Variants in CCDC152 observed in about 807,000 individuals in gnomAD.
CCDC152 encodes coiled-coil domain-containing protein 152.
CCDC152 carries 37 observed loss-of-function variants against 38.1 expected under a neutral mutation model. That is an observed-to-expected ratio of 0.97 (90% CI 0.75 to 1.28). CCDC152 has a LOEUF of 1.28. Among genes scored for constraint, CCDC152 ranks in the 50% most tolerant of loss-of-function variants. The pLI, the probability that CCDC152 is intolerant of heterozygous loss-of-function variation, is 0.00. For missense variants in CCDC152, 259 were observed against 292.1 expected, an observed-to-expected ratio of 0.89 and a Z score of 0.83; for synonymous variants, 83 against 87.1, an observed-to-expected ratio of 0.95 and a Z score of 0.26.
chr5:42,794,931 AT>A (rs1203478387), intron 6 of CCDC152, among the ~76,000 whole-genome samples: 20 of 152,206 alleles, frequency 1.3e-4, no homozygotes, highest in African/African-American at 4.6e-4. Context: ...ATGATTATCA[AT>A]CTAATAGAGG....
In CCDC152 at chr5:42,801,276, G is replaced by C. The variant is rs773156029; in HGVS notation, c.*1495G>C. The C allele has an allele frequency of 6.2e-7, 1 of 1,613,926 alleles. No individual in the cohort carries two copies. The highest frequency in any genetic ancestry group is 8.5e-7 in the Non-Finnish European group (1 of 1,179,976). Reference sequence around the variant, plus strand: ...GTAATGAGGCGATGGAGTTTCAACTGTTTTATCCACAGTAGCCAAAGATAC... The same window carrying C: ...GTAATGAGGCGATGGAGTTTCAACTCTTTTATCCACAGTAGCCAAAGATAC... On this transcript the variant is annotated 3_prime_UTR_variant, in exon 9 of 9. Transcript: ENST00000361970.
At chr5:42,788,335 A>C (rs1372550050) in intron 6 of CCDC152, among the ~76,000 whole-genome samples, 1 of 151,960 alleles carries the variant, frequency 6.6e-6, no homozygotes, top group Non-Finnish European at 1.5e-5. Flanking sequence ...AATGCCAAAA[A>C]AAAAACAAAA....
At chr5:42,799,049 A>T (rs756535698) in intron 7 of CCDC152, among the ~76,000 whole-genome samples, 4 of 152,208 alleles carry the variant, frequency 2.6e-5, no homozygotes, top group Non-Finnish European at 4.4e-5. Flanking sequence ...TCTGCACTAT[A>T]GAATCACGTG....
chr5:42,763,973 G>A (rs1759591482), intron 3 of CCDC152, among the ~76,000 whole-genome samples: 2 of 152,152 alleles, frequency 1.3e-5, no homozygotes, highest in African/African-American at 4.8e-5. Flanking sequence ...ACTTTTTGGA[G>A]CAGTTTTAGG....
chr5:42,781,645 T>C, intron 5 of CCDC152, among the ~76,000 whole-genome samples: 1 of 152,108 alleles, frequency 6.6e-6, no homozygotes, highest in East Asian at 1.9e-4. Flanking sequence ...ATCAAAAGCC[T>C]ATTCACTGGC....
intron 6 of CCDC152, among the ~76,000 whole-genome samples, chr5:42,796,373 A>G (rs939904114): frequency 6.6e-6 from 1 of 152,208 alleles, no homozygotes; most frequent in South Asian, 2.1e-4. Flanking sequence ...GGTGTCATTA[A>G]CAGGAATAAG....
At chr5:42,788,708 T>C (rs1759958221) in intron 6 of CCDC152, among the ~76,000 whole-genome samples, 1 of 152,236 alleles carries the variant, frequency 6.6e-6, no homozygotes, top group Non-Finnish European at 1.5e-5. Context: ...TGCAAGTCTA[T>C]GGATTGTCTT....
At chr5:42,772,058 T>G (rs573754768) in intron 4 of CCDC152, among the ~76,000 whole-genome samples, 1 of 152,156 alleles carries the variant, frequency 6.6e-6, no homozygotes, top group African/African-American at 2.4e-5. Flanking sequence ...AAAGATCATA[T>G]ATCCTAACCA....
At chr5:42,770,409 A>G (rs552312712) in intron 4 of CCDC152, among the ~76,000 whole-genome samples, 3 of 152,278 alleles carry the variant, frequency 2.0e-5, no homozygotes, top group South Asian at 4.1e-4. Flanking sequence ...TCCTATTTCA[A>G]TGCCAGGGCT....
chr5:42,777,427 A>C (rs913924915), intron 4 of CCDC152, among the ~76,000 whole-genome samples: 1 of 151,282 alleles, frequency 6.6e-6, no homozygotes, highest in Non-Finnish European at 1.5e-5. Context: ...GCGCCATCGC[A>C]CTCCAGCCTG....
At chr5:42,789,526 AC>A (rs1759970429) in intron 6 of CCDC152, among the ~76,000 whole-genome samples, 1 of 152,064 alleles carries the variant, frequency 6.6e-6, no homozygotes, top group South Asian at 2.1e-4. Context: ...TGGGTTTTGT[AC>A]CTTCCTATAT....
chr5:42,783,196 T>A (rs1200484494), intron 5 of CCDC152, among the ~76,000 whole-genome samples: 1 of 152,054 alleles, frequency 6.6e-6, no homozygotes, highest in Non-Finnish European at 1.5e-5. Context: ...AAATAAATAC[T>A]TTATACATAC....
intron 5 of CCDC152, among the ~76,000 whole-genome samples, chr5:42,781,364 G>A (rs1008124681): frequency 6.6e-6 from 1 of 152,094 alleles, no homozygotes; most frequent in African/African-American, 2.4e-5. Context: ...TGCCTGGCAG[G>A]ATAAGTAGAA....
intron 6 of CCDC152, among the ~76,000 whole-genome samples, chr5:42,796,508 C>T (rs1561280464): frequency 6.6e-6 from 1 of 152,130 alleles, no homozygotes; most frequent in Non-Finnish European, 1.5e-5. Flanking sequence ...GTAGTTTGAG[C>T]CCTTCATACC....
chr5:42,785,190 G>C (rs1434983945), intron 6 of CCDC152, among the ~76,000 whole-genome samples: 1 of 152,092 alleles, frequency 6.6e-6, no homozygotes, highest in Non-Finnish European at 1.5e-5. Flanking sequence ...GCTTTGGGTA[G>C]TATAGTCATT....
chr5:42,797,923 G>T (rs112629788), intron 7 of CCDC152, among the ~76,000 whole-genome samples: 1 of 151,908 alleles, frequency 6.6e-6, no homozygotes, highest in African/African-American at 2.4e-5. Context: ...CGAGGCGAGC[G>T]GATCACCTAA....
chr5:42,772,344 A>G (rs1759710197), intron 4 of CCDC152, among the ~76,000 whole-genome samples: 1 of 152,226 alleles, frequency 6.6e-6, no homozygotes, highest in African/African-American at 2.4e-5. Context: ...CATCATAATC[A>G]ATGGGAGAAA....
chr5:42,777,822 A>C (rs1158978946), intron 4 of CCDC152, among the ~76,000 whole-genome samples: 1 of 152,198 alleles, frequency 6.6e-6, no homozygotes. Context: ...TTGTTCAGAT[A>C]ATGTCAAAAA....
In CCDC152 at chr5:42,801,748, C is replaced by T. The variant is rs1172494615; in HGVS notation, c.*1967C>T. On this transcript the variant is annotated 3_prime_UTR_variant, in exon 9 of 9. Transcript: ENST00000361970. ...CCTGGGCAACATGGCGAGATCCTGT[C>T]TCTGCAAAATATACAAAAATTAGCT... The T allele has an allele frequency of 3.3e-5, 6 of 182,974 alleles. No homozygotes were observed. The highest frequency in any genetic ancestry group is 5.6e-5 in the Non-Finnish European group (5 of 88,942). 11.3% of individuals were successfully genotyped at this position (182,974 alleles called of 1,614,324 possible).
Sources: gnomAD v4.1 joint callset for allele counts (sites outside exome capture counted in the v4.1 genomes callset) on GRCh38, gnomAD v4.1.1 for gene constraint, MANE v1.5 for transcripts, NCBI Gene and HGNC (gene_info 2026-07-23, HGNC 2026-07-21) for gene names.